STAM: variants seen among roughly 807,000 people sequenced by gnomAD.
STAM encodes signal transducing adapter molecule 1.
STAM carries 16 observed loss-of-function variants against 63.4 expected under a neutral mutation model. That is an observed-to-expected ratio of 0.25 (90% CI 0.17 to 0.38). The LOEUF is 0.38. Ranked by LOEUF, STAM falls within the 10% of genes least tolerant of loss-of-function variation. STAM has a pLI of 1.00. For synonymous variants in STAM, 238 were observed against 223.9 expected, an observed-to-expected ratio of 1.06 and a Z score of -0.56; for missense variants, 636 against 657.1, an observed-to-expected ratio of 0.97 and a Z score of 0.35.
chr10:17,705,050 T>G, intron 11 of STAM, 26 bp downstream of exon 11: 1 of 1,602,010 alleles, frequency 6.2e-7, no homozygotes, highest in Non-Finnish European at 8.5e-7. Flanking sequence ...TGCATTTATG[T>G]TGTGTACCTT....
At chr10:17,712,908 T>G (rs74118022) in intron 13 of STAM, among the ~76,000 whole-genome samples, 11,438 of 152,192 alleles carry the variant, frequency 0.075, 453 homozygotes, top group Middle Eastern at 0.12. Context: ...GGGGTGCAGC[T>G]GCAGAGAGTT....
chr10:17,677,455 G>A (rs938406584), intron 2 of STAM, among the ~76,000 whole-genome samples: 1 of 151,462 alleles, frequency 6.6e-6, no homozygotes, highest in African/African-American at 2.4e-5. Flanking sequence ...TTTATATCTG[G>A]CCTTTACCAT....
At chr10:17,712,084 G>A (rs559676937) in intron 13 of STAM, among the ~76,000 whole-genome samples, 1 of 152,230 alleles carries the variant, frequency 6.6e-6, no homozygotes, top group Non-Finnish European at 1.5e-5. Context: ...CAACTGGGTG[G>A]ACGGTGGAAC....
intron 10 of STAM, 147 bp from the exon 11 acceptor site, chr10:17,704,823 T>G: frequency 1.5e-6 from 1 of 676,742 alleles, no homozygotes; most frequent in Non-Finnish European, 2.4e-6. Context: ...AAATCAATTT[T>G]GGGTTCTGTA....
rs1385108057 is a variant in STAM, at chr10:17,704,604, A to G, written c.1000+86A>G. On this transcript the variant is annotated intron_variant, in intron 10 of 13. Transcript: ENST00000377524. ...TGTTAAAGAATGGGTTTTGAGGATA[A>G]TATTAAAAATGGAACATTTCTCACT... is the stretch of plus-strand genomic sequence containing the variant. The G allele has an allele frequency of 4.3e-6, 5 of 1,162,634 alleles. No individual in the cohort carries two copies. In the African/African-American group the frequency reaches 7.7e-5, roughly 18 times the overall value. 72.0% of individuals were successfully genotyped at this position (1,162,634 alleles called of 1,614,324 possible).
intron 1 of STAM, among the ~76,000 whole-genome samples, chr10:17,657,907 T>A (rs1834006991): frequency 6.6e-6 from 1 of 152,044 alleles, no homozygotes; most frequent in Non-Finnish European, 1.5e-5. Context: ...ATTGATCTTT[T>A]AAAATAACCA....
At chr10:17,662,478 G>GT (rs1834211656) in intron 2 of STAM, among the ~76,000 whole-genome samples, 1 of 152,064 alleles carries the variant, frequency 6.6e-6, no homozygotes, top group South Asian at 2.1e-4. Context: ...TCTTATTTGT[G>GT]TTTTTTCCTG....
At position 17,705,707 on chromosome 10, in the gene STAM, A is replaced by C; in HGVS notation, c.1175A>C (p.Tyr392Ser). Residue 392 changes from tyrosine to serine, a missense_variant, in exon 12 of 14, where the codon TAT becomes TCT. Physicochemically the swap from Tyr to Ser is moderately radical, Grantham distance 144. Around this residue, in one of 3 missense-constraint regions of STAM, gnomAD observed 532 missense variants for 536.9 expected, o/e 0.99. Transcript: ENST00000377524. ...TATGCAAAGTTACAGAATCAGCCAT[A>C]TTATATGCAGTCATCTGGTGTTTCT... Reference protein sequence around the residue: ...SMYAKLQNQPYYMQSSGVSGS... With the variant: ...SMYAKLQNQPSYMQSSGVSGS... 19 of 1,613,578 alleles carry C rather than the reference A, an allele frequency of 1.2e-5. No homozygotes were observed. Among genetic ancestry groups the C allele is most frequent in the Non-Finnish European group, 1.6e-5 (19 of 1,179,850 alleles).
intron 1 of STAM, among the ~76,000 whole-genome samples, chr10:17,650,043 C>T (rs1833677084): frequency 6.6e-6 from 1 of 152,206 alleles, no homozygotes; most frequent in African/African-American, 2.4e-5. Context: ...TGTTCCCAGT[C>T]AGACTGCTTT....
In STAM at chr10:17,705,669, G is replaced by C; in HGVS notation, c.1137G>C (p.Pro379=). 2 of 1,613,962 alleles carry C rather than the reference G, an allele frequency of 1.2e-6. No homozygotes were observed. Among genetic ancestry groups the C allele is most frequent in the East Asian group, 4.5e-5 (2 of 44,880 alleles). Residue 379 remains proline, a synonymous_variant, in exon 12 of 14, where the codon CCG becomes CCC. Transcript: ENST00000377524. ...ATACCAAGTTAATGAACGAAGATCC[G>C]ATGTATTCCATGTATGCAAAGTTAC... is the stretch of plus-strand genomic sequence containing the variant. ...SLYTKLMNED[P]MYSMYAKLQN...
chr10:17,648,123 G>C (rs1008868500), intron 1 of STAM, among the ~76,000 whole-genome samples: 10 of 152,054 alleles, frequency 6.6e-5, no homozygotes, highest in African/African-American at 2.2e-4. Flanking sequence ...AGATATTTTG[G>C]CTGTACTTTA....
chr10:17,705,566 A>G (rs1836223102), intron 11 of STAM, 22 bp from the exon 12 acceptor site: 1 of 1,602,566 alleles, frequency 6.2e-7, no homozygotes, highest in African/African-American at 1.3e-5. Flanking sequence ...GCTATGCTTC[A>G]AATTATTGTG....
At chr10:17,665,732 C>G (rs1233060024) in intron 2 of STAM, among the ~76,000 whole-genome samples, 1 of 151,416 alleles carries the variant, frequency 6.6e-6, no homozygotes, top group Non-Finnish European at 1.5e-5. Flanking sequence ...TTTCAGAAAG[C>G]CTACTAGATG....
chr10:17,689,273 T>C (rs2182158), intron 5 of STAM, among the ~76,000 whole-genome samples: 14,332 of 152,214 alleles, frequency 0.094, 739 homozygotes, highest in Middle Eastern at 0.15. Flanking sequence ...CTGTAATGAG[T>C]GATGTGAAAC....
At chr10:17,663,601 T>G (rs1834261897) in intron 2 of STAM, among the ~76,000 whole-genome samples, 1 of 152,096 alleles carries the variant, frequency 6.6e-6, no homozygotes, top group Non-Finnish European at 1.5e-5. Flanking sequence ...TTTGACTCCT[T>G]TAATAGTTAT....
At chr10:17,657,705 G>A (rs1234859702) in intron 1 of STAM, among the ~76,000 whole-genome samples, 1 of 152,132 alleles carries the variant, frequency 6.6e-6, no homozygotes, top group Non-Finnish European at 1.5e-5. Flanking sequence ...GTCTTTCAAG[G>A]CATTGGTCCA....
chr10:17,705,804 A>G lies in STAM; in HGVS notation c.1209+63A>G. The G allele has an allele frequency of 2.6e-6, 4 of 1,519,960 alleles. No homozygotes were observed. The South Asian group carries it at 5.1e-5, about 19-fold the overall frequency. The allele number at this position is 1,519,960 out of a possible 1,614,324, so 94.2% of individuals were successfully genotyped here. On this transcript the variant is annotated intron_variant, in intron 12 of 13. Transcript: ENST00000377524. ...AATGCACAGTGAGGTGTGGTAGCTCATGCCTGTAATCTCAGCAATTTGGGA... is the reference window on the plus strand; with the variant it reads ...AATGCACAGTGAGGTGTGGTAGCTCGTGCCTGTAATCTCAGCAATTTGGGA...
chr10:17,714,215 C>G (rs1463796866), intron 13 of STAM, among the ~76,000 whole-genome samples: 1 of 152,076 alleles, frequency 6.6e-6, no homozygotes. Context: ...TTGTTCTTAC[C>G]AGTTAGAACC....
chr10:17,711,518 A>C (rs1244573039), intron 13 of STAM, among the ~76,000 whole-genome samples: 1 of 152,218 alleles, frequency 6.6e-6, no homozygotes, highest in African/African-American at 2.4e-5. Context: ...TTTATAAATA[A>C]AGAAGATATA....
Sources: gnomAD v4.1 joint callset for allele counts (sites outside exome capture counted in the v4.1 genomes callset) on GRCh38, gnomAD v4.1.1 for gene constraint, gnomAD v4.1.1 regional missense constraint, MANE v1.5 for transcripts, NCBI Gene and HGNC (gene_info 2026-07-23, HGNC 2026-07-21) for gene names.